TTLL11: variants seen among roughly 807,000 people sequenced by gnomAD.
The protein encoded by TTLL11 is tubulin tyrosine ligase like 11.
TTLL11 carries 42 observed loss-of-function variants against 51.7 expected under a neutral mutation model. The observed-to-expected ratio is 0.81, with a 90% CI of 0.64 to 1.05. The LOEUF (loss-of-function observed/expected upper bound fraction) is 1.05, where lower values mean the gene tolerates loss of function less well. Among genes scored for constraint, TTLL11 ranks in the 50% least tolerant of loss-of-function variants. The pLI is 0.00. For missense variants in TTLL11, 799 were observed against 940.4 expected (o/e 0.85, Z 1.97); for synonymous variants, 381 against 383.5 (o/e 0.99, Z 0.08).
chr9:121,985,420 A>G lies in TTLL11; in HGVS notation c.1269+3775T>C, dbSNP rs1026336346. Among the ~76,000 whole-genome samples, 8 of 152,140 alleles carry G rather than the reference A, an allele frequency of 5.3e-5. No homozygotes were observed. The South Asian group carries it at 1.7e-3, about 32-fold the overall frequency. ...TAATCTCTAGGTTCCAAGTCAGCTC[A>G]GGTATGTGAGACCCAAACTCAAAAG... On this transcript the variant is annotated intron_variant, in intron 4 of 8. Transcript: ENST00000321582.
At chr9:121,984,994 G>A (rs984483936) in intron 4 of TTLL11, among the ~76,000 whole-genome samples, 4 of 152,178 alleles carry the variant, frequency 2.6e-5, no homozygotes, top group South Asian at 2.1e-4. Context: ...GGGAAGCCAC[G>A]TTCCTCAGCA....
chr9:121,911,837 G>A (rs905613136), intron 6 of TTLL11, among the ~76,000 whole-genome samples: 1 of 152,056 alleles, frequency 6.6e-6, no homozygotes, highest in African/African-American at 2.4e-5. Flanking sequence ...TGTAGATGAT[G>A]GGTTGATGGG....
At chr9:121,855,967 G>A (rs1202926251) in intron 8 of TTLL11, among the ~76,000 whole-genome samples, 5 of 152,086 alleles carry the variant, frequency 3.3e-5, no homozygotes, top group African/African-American at 1.2e-4. Context: ...TATTGCAATC[G>A]TCAACTGTAT....
At chr9:122,036,779 T>C (rs919734355) in intron 2 of TTLL11, among the ~76,000 whole-genome samples, 1 of 152,192 alleles carries the variant, frequency 6.6e-6, no homozygotes, top group Non-Finnish European at 1.5e-5. Context: ...AAGATAAGCT[T>C]GGACACAAAC....
chr9:122,084,946 T>C (rs1190584543), intron 1 of TTLL11, among the ~76,000 whole-genome samples: 1 of 152,146 alleles, frequency 6.6e-6, no homozygotes, highest in Non-Finnish European at 1.5e-5. Context: ...CCCGTGGCGA[T>C]GTACATAATT....
chr9:121,931,456 C>A (rs1012171248), intron 6 of TTLL11, among the ~76,000 whole-genome samples: 1 of 151,890 alleles, frequency 6.6e-6, no homozygotes, highest in African/African-American at 2.4e-5. Context: ...AAGAAATATT[C>A]AAAAGGCCAG....
In TTLL11 at chr9:122,004,070, C is replaced by A. The variant is rs62574011; in HGVS notation, c.694-14300G>T. ...CCAGGAGGCGGAGGTTGCAGTGAGC[C>A]GAGACCACGCCATTACACTCCAGCC... On this transcript the variant is annotated intron_variant, in intron 3 of 8. Coordinates refer to ENST00000321582, the MANE Select transcript of TTLL11 (RefSeq NM_001139442.2). 3.0e-3 allele frequency among the ~76,000 whole-genome samples: 453 copies of A among 151,366 alleles called. 4 individuals carry two copies. The highest frequency in any genetic ancestry group is 0.021 in the South Asian group (100 of 4,766).
intron 1 of TTLL11, among the ~76,000 whole-genome samples, chr9:122,086,984 G>C (rs1349492314): frequency 6.6e-6 from 1 of 152,192 alleles, no homozygotes; most frequent in Non-Finnish European, 1.5e-5. Flanking sequence ...CTTGCAGAAT[G>C]GTTTTTGCAA....
intron 2 of TTLL11, 146 bp from the exon 3 acceptor site, chr9:122,032,002 A>C: frequency 9.2e-7 from 1 of 1,091,602 alleles, no homozygotes; most frequent in Non-Finnish European, 1.3e-6. Context: ...TGTTCCCCAC[A>C]GCGGTGACTC....
At chr9:121,958,372 C>T (rs780754445) in intron 6 of TTLL11, among the ~76,000 whole-genome samples, 2 of 152,118 alleles carry the variant, frequency 1.3e-5, no homozygotes, top group South Asian at 4.1e-4. Context: ...TATTGGTGCC[C>T]GAAGAGACTT....
chr9:121,888,935 G>A (rs1839118342), intron 6 of TTLL11, among the ~76,000 whole-genome samples: 1 of 152,214 alleles, frequency 6.6e-6, no homozygotes. Context: ...TTGATAATAG[G>A]TAGAAACTGA....
intron 6 of TTLL11, among the ~76,000 whole-genome samples, chr9:121,919,712 G>A (rs1178124711): frequency 6.6e-6 from 1 of 151,996 alleles, no homozygotes; most frequent in Non-Finnish European, 1.5e-5. Flanking sequence ...AGAGCATGAG[G>A]TCCACAAGAA....
intron 6 of TTLL11, among the ~76,000 whole-genome samples, chr9:121,966,002 A>G (rs973145180): frequency 2.0e-5 from 3 of 152,206 alleles, no homozygotes; most frequent in Non-Finnish European, 2.9e-5. Context: ...GGATTCATCT[A>G]TTGGCACCAA....
intron 6 of TTLL11, among the ~76,000 whole-genome samples, chr9:121,934,873 TTTTG>T (rs1010674533): frequency 2.2e-4 from 34 of 152,160 alleles, no homozygotes; most frequent in African/African-American, 8.0e-4. Context: ...GAATCTGGCA[TTTTG>T]TTTGTTTGTT....
At chr9:121,861,376 C>T (rs1838005386) in intron 7 of TTLL11, among the ~76,000 whole-genome samples, 1 of 152,150 alleles carries the variant, frequency 6.6e-6, no homozygotes, top group African/African-American at 2.4e-5. Context: ...TGTGCCTGGC[C>T]AGGAGAGCAA....
At chr9:122,055,244 A>ATAG (rs1244985561) in intron 1 of TTLL11, among the ~76,000 whole-genome samples, 708 of 41,356 alleles carry the variant, frequency 0.017, 2 homozygotes, top group Middle Eastern at 0.039. Context: ...TAGATAGATA[A>ATAG]AGGGGAGTTT....
intron 6 of TTLL11, among the ~76,000 whole-genome samples, chr9:121,906,976 C>T (rs542006939): frequency 1.4e-4 from 21 of 152,126 alleles, no homozygotes; most frequent in Admixed American, 3.3e-4. Context: ...AACAGCTGAC[C>T]GACAACCACC....
At chr9:121,912,367 C>A (rs541493926) in intron 6 of TTLL11, among the ~76,000 whole-genome samples, 6 of 152,236 alleles carry the variant, frequency 3.9e-5, no homozygotes, top group African/African-American at 1.4e-4. Flanking sequence ...GGAGATCTTC[C>A]ACCCTTACCT....
At chr9:121,952,493 G>A (rs190446586) in intron 6 of TTLL11, among the ~76,000 whole-genome samples, 3 of 150,606 alleles carry the variant, frequency 2.0e-5, no homozygotes, top group Non-Finnish European at 2.9e-5. Flanking sequence ...ACCTAGGTCT[G>A]TCAGGGTCCA....
Sources: allele counts gnomAD v4.1 joint callset (sites outside exome capture counted in the v4.1 genomes callset), GRCh38; gene constraint gnomAD v4.1.1; transcripts MANE v1.5; gene names NCBI Gene and HGNC (gene_info 2026-07-23, HGNC 2026-07-21).